Variants in TSHZ2 observed in about 807,000 individuals in gnomAD.
TSHZ2 encodes the protein teashirt homolog 2.
A neutral mutation model predicts 74.4 loss-of-function variants in TSHZ2; 21 were observed. That is an observed-to-expected ratio of 0.28 (90% CI 0.20 to 0.41). The LOEUF (loss-of-function observed/expected upper bound fraction) is 0.41, where lower values mean the gene tolerates loss of function less well. TSHZ2 is among the 10% of genes least tolerant of loss of function. The pLI, the probability that TSHZ2 is intolerant of heterozygous loss-of-function variation, is 1.00. For synonymous variants in TSHZ2, 540 were observed against 515.3 expected (o/e 1.05, Z -0.65); for missense variants, 1,244 against 1,293.5 (o/e 0.96, Z 0.59).
At chr20:52,973,529 G>T (rs1278174427) in intron 1 of TSHZ2, among the ~76,000 whole-genome samples, 196 bp downstream of exon 1, 1 of 152,146 alleles carries the variant, frequency 6.6e-6, no homozygotes. Context: ...CGGTTGGGTT[G>T]GGGTGAGCTA....
chr20:53,362,505 G>C lies in TSHZ2; in HGVS notation c.*8+105934G>C, dbSNP rs1006675633. On this transcript the variant is annotated intron_variant, in intron 2 of 2. Transcript: ENST00000371497. The stretch of plus-strand genomic sequence containing the variant: ...GGCCCACACAGTTTTTATATGCTCT[G>C]AACTGTATAGAAATGTAAGTACCCT... Among the ~76,000 whole-genome samples, 3 of 152,228 alleles carry C rather than the reference G, an allele frequency of 2.0e-5. No homozygotes were observed. The South Asian group carries it at 6.2e-4, about 32-fold the overall frequency.
intron 1 of TSHZ2, among the ~76,000 whole-genome samples, chr20:53,022,085 T>G (rs1000853340): frequency 6.6e-6 from 1 of 152,054 alleles, no homozygotes; most frequent in Non-Finnish European, 1.5e-5. Context: ...AGCTAAGAAG[T>G]GCTACTCTAA....
intron 2 of TSHZ2, among the ~76,000 whole-genome samples, chr20:53,325,705 T>G (rs1009963357): frequency 2.0e-5 from 3 of 152,218 alleles, no homozygotes; most frequent in African/African-American, 7.2e-5. Context: ...TTTAACTGTG[T>G]GAAGTTTTTG....
intron 2 of TSHZ2, among the ~76,000 whole-genome samples, chr20:53,331,863 A>G (rs7266390): frequency 6.6e-6 from 1 of 151,832 alleles, no homozygotes; most frequent in Non-Finnish European, 1.5e-5. Flanking sequence ...TTGATGGGCC[A>G]AGGGGAATGG....
intron 1 of TSHZ2, among the ~76,000 whole-genome samples, chr20:53,107,370 C>T (rs1057338532): frequency 2.0e-5 from 3 of 152,192 alleles, no homozygotes; most frequent in Non-Finnish European, 4.4e-5. Flanking sequence ...TAGTGGAGTC[C>T]ATGAGGGCCT....
chr20:53,227,875 G>A (rs943882806), intron 1 of TSHZ2, among the ~76,000 whole-genome samples: 3 of 151,744 alleles, frequency 2.0e-5, no homozygotes, highest in East Asian at 1.9e-4. Context: ...TCTTTCTTTC[G>A]TTCTTCCTTT....
intron 2 of TSHZ2, among the ~76,000 whole-genome samples, chr20:53,290,499 G>T (rs1474916891): frequency 6.6e-6 from 1 of 151,946 alleles, no homozygotes; most frequent in African/African-American, 2.4e-5. Context: ...AAAGACACAG[G>T]TTCTCATCTC....
At chr20:53,277,743 G>C (rs1209089004) in intron 2 of TSHZ2, among the ~76,000 whole-genome samples, 1 of 152,172 alleles carries the variant, frequency 6.6e-6, no homozygotes, top group Non-Finnish European at 1.5e-5. Context: ...AATAAGGAAA[G>C]CACATACCCT....
At position 53,042,792 on chromosome 20, in the gene TSHZ2, A is replaced by G. The variant is rs182888941; in HGVS notation, c.40+69459A>G. ...TGGGGATTTAGTGGAAAATTTGCGG[A>G]AATCTATCATTGTTATAAGTGCATA... On this transcript the variant is annotated intron_variant, in intron 1 of 2. Transcript: ENST00000371497. Among the ~76,000 whole-genome samples the G allele has an allele frequency of 2.5e-3, 377 of 152,242 alleles. 2 individuals are homozygous for G. The highest frequency in any genetic ancestry group is 0.013 in the South Asian group (61 of 4,822).
chr20:53,295,431 T>TAC (rs1555847283), intron 2 of TSHZ2, among the ~76,000 whole-genome samples: 2 of 151,912 alleles, frequency 1.3e-5, no homozygotes, highest in Non-Finnish European at 1.5e-5. Context: ...TGTGTGTGTG[T>TAC]GCACGTGTAT....
In TSHZ2 at chr20:53,235,048, G is replaced by A. The variant is rs977187029; in HGVS notation, c.41-18451G>A. On this transcript the variant is annotated intron_variant, in intron 1 of 2. Transcript: ENST00000371497. ...TGTTCACTTTCAGTCCCCTAGGAGC[G>A]CACCTCGTCACTTAATGTCTCATTG... 9.0e-5 allele frequency among the ~76,000 whole-genome samples: 13 copies of A among 144,842 alleles called. 1 individual carries two copies. Among genetic ancestry groups the A allele is most frequent in the Admixed American group, 3.6e-4 (5 of 13,840 alleles).
intron 2 of TSHZ2, among the ~76,000 whole-genome samples, chr20:53,410,226 G>A (rs772458432): frequency 5.3e-5 from 8 of 152,114 alleles, no homozygotes; most frequent in Non-Finnish European, 8.8e-5. Context: ...CATGCTGACC[G>A]CAGCTACCCT....
intron 1 of TSHZ2, among the ~76,000 whole-genome samples, chr20:52,996,542 G>A (rs186697718): frequency 3.3e-5 from 5 of 152,204 alleles, no homozygotes; most frequent in South Asian, 2.1e-4. Context: ...ATGGGCATTC[G>A]GTTGTTGAGA....
At chr20:53,170,399 G>A (rs1988170606) in intron 1 of TSHZ2, among the ~76,000 whole-genome samples, 1 of 152,218 alleles carries the variant, frequency 6.6e-6, no homozygotes, top group South Asian at 2.1e-4. Context: ...GCAAGCGTAT[G>A]CCAAAATCTG....
intron 2 of TSHZ2, among the ~76,000 whole-genome samples, chr20:53,372,360 C>A (rs1981506035): frequency 6.6e-6 from 1 of 152,086 alleles, no homozygotes. Flanking sequence ...ACCTGTAGTC[C>A]CAGCCACTCG....
At chr20:53,023,958 T>C (rs536046124) in intron 1 of TSHZ2, among the ~76,000 whole-genome samples, 2 of 152,294 alleles carry the variant, frequency 1.3e-5, no homozygotes, top group Admixed American at 1.3e-4. Flanking sequence ...AGCCTTTCCA[T>C]TGTAGTCACT....
At chr20:53,233,260 A>G (rs1989869304) in intron 1 of TSHZ2, among the ~76,000 whole-genome samples, 1 of 152,266 alleles carries the variant, frequency 6.6e-6, no homozygotes, top group Admixed American at 6.5e-5. Flanking sequence ...AGATACTGCA[A>G]TGCACAAGGC....
chr20:53,409,239 GTTT>G (rs553159175), intron 2 of TSHZ2, among the ~76,000 whole-genome samples: 1 of 148,716 alleles, frequency 6.7e-6, no homozygotes, highest in Non-Finnish European at 1.5e-5. Context: ...TGCTCTGTTT[GTTT>G]TTTTTAATTC....
intron 1 of TSHZ2, among the ~76,000 whole-genome samples, chr20:53,049,899 C>T (rs770986531): frequency 9.9e-5 from 15 of 151,620 alleles, no homozygotes; most frequent in Non-Finnish European, 1.3e-4. Flanking sequence ...CTGGCCAACA[C>T]GGTGAAACCC....
Sources: allele counts gnomAD v4.1 joint callset (sites outside exome capture counted in the v4.1 genomes callset), GRCh38; gene constraint gnomAD v4.1.1; transcripts MANE v1.5; gene names NCBI Gene and HGNC (gene_info 2026-07-23, HGNC 2026-07-21).